GCNT2: variants seen among roughly 807,000 people sequenced by gnomAD.
GCNT2 encodes the protein N-acetyllactosaminide beta-1,6-N-acetylglucosaminyl-transferase.
In GCNT2, 34 loss-of-function variants were observed where a neutral mutation model predicts 34.2. That is an observed-to-expected ratio of 1.00 (90% CI 0.76 to 1.32). The LOEUF is 1.32. Ranked by LOEUF, GCNT2 falls within the 40% of genes most tolerant of loss-of-function variation. The pLI is 0.00. For missense variants in GCNT2, 584 were observed against 489.4 expected (o/e 1.19, Z -1.82); for synonymous variants, 212 against 188.0 (o/e 1.13, Z -1.04).
intron 3 of GCNT2, among the ~76,000 whole-genome samples, chr6:10,570,352 G>C (rs778662969): frequency 7.2e-5 from 11 of 152,214 alleles, no homozygotes; most frequent in Non-Finnish European, 1.6e-4. Context: ...GGATGGATGG[G>C]AGTTGGGCTT....
intron 3 of GCNT2, among the ~76,000 whole-genome samples, chr6:10,538,914 A>G (rs1191846955): frequency 6.6e-6 from 1 of 152,106 alleles, no homozygotes; most frequent in Non-Finnish European, 1.5e-5. Context: ...GTTTCTTCCT[A>G]TGGGGACCTA....
At chr6:10,572,875 G>A (rs1185824461) in intron 3 of GCNT2, among the ~76,000 whole-genome samples, 1 of 152,244 alleles carries the variant, frequency 6.6e-6, no homozygotes, top group Non-Finnish European at 1.5e-5. Context: ...GTATCTTGGA[G>A]GCAAATTTAT....
chr6:10,536,718 T>G (rs1204086417), intron 3 of GCNT2, among the ~76,000 whole-genome samples: 1 of 150,502 alleles, frequency 6.6e-6, no homozygotes, highest in African/African-American at 2.5e-5. Context: ...TTTTTTTTTT[T>G]TTTGAGATGG....
intron 3 of GCNT2, among the ~76,000 whole-genome samples, chr6:10,563,789 T>A (rs1362021431): frequency 1.3e-4 from 16 of 126,512 alleles, no homozygotes; most frequent in African/African-American, 4.9e-4. Flanking sequence ...TATATATATA[T>A]ATATATATAT....
At chr6:10,534,200 G>C (rs1490395219) in intron 3 of GCNT2, among the ~76,000 whole-genome samples, 2 of 142,458 alleles carry the variant, frequency 1.4e-5, no homozygotes, top group African/African-American at 5.1e-5. Context: ...GGAGTGCAGT[G>C]ATGTCATCTT....
At position 10,523,044 on chromosome 6, in the gene GCNT2, C is replaced by A. The variant is rs1760994554; in HGVS notation, c.-469+1627C>A. ...CGCAGGCGGAAAGTGCCTTTAAGGC[C>A]TCGACTCCGCCTAGTAACTGAGCTG... On this transcript the variant is annotated intron_variant, in intron 1 of 4. Coordinates refer to ENST00000495262, the MANE Select transcript of GCNT2 (RefSeq NM_145649.5). 1.3e-5 allele frequency among the ~76,000 whole-genome samples: 2 copies of A among 152,202 alleles called. 1 individual carries two copies. Among genetic ancestry groups the A allele is most frequent in the Non-Finnish European group, 2.9e-5 (2 of 68,042 alleles).
intron 3 of GCNT2, chr6:10,586,052 A>AT: frequency 6.2e-7 from 1 of 1,614,076 alleles, no homozygotes; most frequent in Middle Eastern, 1.6e-4. Context: ...TTTTTGTGAG[A>AT]TTTTACAGTA....
At chr6:10,575,939 C>CT (rs34974679) in intron 3 of GCNT2, among the ~76,000 whole-genome samples, 21,919 of 152,098 alleles carry the variant, frequency 0.14, 1,694 homozygotes, top group Middle Eastern at 0.19. Flanking sequence ...GGCCCCACCC[C>CT]ATCTCCCTTT....
chr6:10,616,218 T>G (rs1765753131), intron 3 of GCNT2, among the ~76,000 whole-genome samples: 1 of 152,170 alleles, frequency 6.6e-6, no homozygotes. Context: ...TTGGAATTGT[T>G]TGTTCCTACC....
At position 10,529,402 on chromosome 6, in the gene GCNT2, T is replaced by C. The variant is rs753082290; in HGVS notation, c.491T>C (p.Ile164Thr). The change falls in exon 3 of 5, where the codon ATC (isoleucine) becomes ACC (threonine). Residue 164 changes from isoleucine (I) to threonine (T), a missense_variant. By Grantham distance (89) the Ile-to-Thr change is moderately conservative. Coordinates refer to ENST00000495262, the MANE Select transcript of GCNT2 (RefSeq NM_145649.5). ...AAGGAGTCGGTTGTCTATGGGGGGA[T>C]CTCCAGGCTCCAGGCTGACCTGAAC... Reference protein sequence around the residue: ...SKKESVVYGGISRLQADLNCL... With the variant: ...SKKESVVYGGTSRLQADLNCL... The C allele has an allele frequency of 1.9e-6, 3 of 1,614,062 alleles. No individual in the cohort carries two copies. Among genetic ancestry groups the C allele is most frequent in the South Asian group, 2.2e-5 (2 of 91,080 alleles).
At chr6:10,598,019 A>T (rs1434155578) in intron 3 of GCNT2, among the ~76,000 whole-genome samples, 3 of 152,218 alleles carry the variant, frequency 2.0e-5, no homozygotes, top group African/African-American at 7.2e-5. Context: ...CTTTGTCTGT[A>T]GATAACTGTT....
intron 3 of GCNT2, among the ~76,000 whole-genome samples, chr6:10,570,211 A>C (rs1388579600): frequency 6.6e-6 from 1 of 152,238 alleles, no homozygotes; most frequent in East Asian, 1.9e-4. Flanking sequence ...TCGGGATTAC[A>C]GGCATTAGCC....
At chr6:10,595,973 C>T (rs1044756583) in intron 3 of GCNT2, among the ~76,000 whole-genome samples, 5 of 152,176 alleles carry the variant, frequency 3.3e-5, no homozygotes, top group Non-Finnish European at 5.9e-5. Context: ...TGAGTTGACA[C>T]TATAATTCTC....
At chr6:10,580,711 C>G (rs900757388) in intron 3 of GCNT2, among the ~76,000 whole-genome samples, 4 of 152,142 alleles carry the variant, frequency 2.6e-5, no homozygotes, top group South Asian at 2.1e-4. Context: ...CCAGTCCTGC[C>G]CCTCCCCTGA....
At chr6:10,544,046 G>T (rs1430275428) in intron 3 of GCNT2, among the ~76,000 whole-genome samples, 4 of 152,222 alleles carry the variant, frequency 2.6e-5, no homozygotes, top group African/African-American at 9.6e-5. Context: ...AGGCCTGGTG[G>T]CTCACGCCTG....
At chr6:10,543,956 TGTTA>T (rs1762150965) in intron 3 of GCNT2, among the ~76,000 whole-genome samples, 1 of 152,082 alleles carries the variant, frequency 6.6e-6, no homozygotes, top group Non-Finnish European at 1.5e-5. Flanking sequence ...ATGGACAAAA[TGTTA>T]GTTTAGGTCT....
At chr6:10,611,198 A>C (rs1428081525) in intron 3 of GCNT2, among the ~76,000 whole-genome samples, 2 of 151,402 alleles carry the variant, frequency 1.3e-5, no homozygotes, top group African/African-American at 4.9e-5. Flanking sequence ...CCTGGGCAAC[A>C]TAGTGAGAGG....
chr6:10,578,486 G>A (rs1243061244), intron 3 of GCNT2, among the ~76,000 whole-genome samples: 50 of 123,858 alleles, frequency 4.0e-4, no homozygotes, highest in Non-Finnish European at 6.3e-4. Flanking sequence ...TCTCGCTGTC[G>A]CCCAGGCTGG....
intron 3 of GCNT2, among the ~76,000 whole-genome samples, chr6:10,551,131 T>A (rs58848890): frequency 0.027 from 4,188 of 152,316 alleles, 91 homozygotes; most frequent in African/African-American, 0.06. Context: ...GGATTTTCAT[T>A]TTTCCAATTG....
Sources: allele counts gnomAD v4.1 joint callset (sites outside exome capture counted in the v4.1 genomes callset), GRCh38; gene constraint gnomAD v4.1.1; transcripts MANE v1.5; gene names NCBI Gene and HGNC (gene_info 2026-07-23, HGNC 2026-07-21).